Variants in ARAP1 observed in about 807,000 individuals in gnomAD.
ARAP1 encodes arf-GAP with Rho-GAP domain, ANK repeat and PH domain-containing protein 1.
In ARAP1, 76 loss-of-function variants were observed where a neutral mutation model predicts 172.2. The observed-to-expected ratio is 0.44, with a 90% confidence interval of 0.37 to 0.53. The LOEUF is 0.53. Among genes scored for constraint, ARAP1 ranks in the 20% least tolerant of loss-of-function variants. ARAP1 has a pLI of 0.00. For synonymous variants in ARAP1, 804 were observed against 803.3 expected, an observed-to-expected ratio of 1.00 and a Z score of -0.01; for missense variants, 1,686 against 1,977.5, an observed-to-expected ratio of 0.85 and a Z score of 2.80.
intron 4 of ARAP1, among the ~76,000 whole-genome samples, chr11:72,713,914 C>T (rs2135547861): frequency 6.6e-6 from 1 of 151,768 alleles, no homozygotes; most frequent in Admixed American, 6.6e-5. Context: ...GGGTAACTGG[C>T]AAAGCCGGCC....
rs1857072572 is a variant in ARAP1 at position 72,712,586 on chromosome 11, T to C, written c.748-18A>G. 6.2e-7 allele frequency: 1 copy of C among 1,607,680 alleles called. No individual in the cohort carries two copies. The highest frequency in any genetic ancestry group is 8.5e-7 in the Non-Finnish European group (1 of 1,179,090). ...GGCTCCTCCTGCCCCCGAGACCCAC[T>C]CAGCGTCATCCTTCCCTTCAAGCCA... On this transcript the variant is annotated intron_variant, in intron 5 of 34. Transcript: ENST00000393609.
chr11:72,744,923 C>T (rs1458918393), intron 1 of ARAP1, among the ~76,000 whole-genome samples: 2 of 152,166 alleles, frequency 1.3e-5, no homozygotes, highest in African/African-American at 2.4e-5. Flanking sequence ...TCTTTAGAGC[C>T]GAGAAAGAGA....
Position 72,711,001 on chromosome 11 carries a change from C to G in ARAP1, c.1213+20G>C, listed in dbSNP as rs781102296. The G allele has an allele frequency of 6.2e-7, 1 of 1,613,982 alleles. No individual in the cohort carries two copies. Among genetic ancestry groups the G allele is most frequent in the Non-Finnish European group, 8.5e-7 (1 of 1,179,894 alleles). On this transcript the variant is annotated intron_variant, in intron 9 of 34. Transcript: ENST00000393609. ...CTCTACCCTCTTCTACACACACACA[C>G]AACACCCCACACTCCCCACCATCAC...
Position 72,695,878 on chromosome 11 carries a change from G to A in ARAP1, c.3273-13C>T, listed in dbSNP as rs1442713539. The A allele has an allele frequency of 6.2e-7, 1 of 1,606,212 alleles. No individual in the cohort carries two copies. The highest frequency in any genetic ancestry group is 8.5e-7 in the Non-Finnish European group (1 of 1,176,076). ...GAAGCACTGAACACTGGAGAGGGGA[G>A]GAGGAGGGCTTTGAGTGAGGAGTCA... On this transcript the variant is annotated splice_polypyrimidine_tract_variant and intron_variant, in intron 23 of 34. Coordinates refer to ENST00000393609, the MANE Select transcript of ARAP1 (RefSeq NM_001040118.3). The surrounding 1 kb of genome is among the most constrained non-coding windows in gnomAD (Gnocchi z 4.4).
At position 72,692,790 on chromosome 11, in the gene ARAP1, T is replaced by C. The variant is rs370326221; in HGVS notation, c.3955-5A>G. 5.0e-6 allele frequency: 8 copies of C among 1,613,586 alleles called. No homozygotes were observed. The highest frequency in any genetic ancestry group is 6.8e-6 in the Non-Finnish European group (8 of 1,179,980). On this transcript the variant is annotated splice_polypyrimidine_tract_variant and splice_region_variant and intron_variant, in intron 29 of 34. Coordinates refer to ENST00000393609, the MANE Select transcript of ARAP1 (RefSeq NM_001040118.3). Reference sequence around the variant, plus strand: ...CCCGCTCCACGGCCTCTGGCTCTGTTTGATAGAGGATCAGGGTTATGGAAG... The same window carrying C: ...CCCGCTCCACGGCCTCTGGCTCTGTCTGATAGAGGATCAGGGTTATGGAAG...
rs537973343 is a variant in ARAP1 at position 72,710,227 on chromosome 11, A to C, written c.1416+158T>G. ...AGGGCAGTGCTCAGAGCCTGGGGGA[A>C]GTGGTCAGAACTTGGGGGAGCGAGG... On this transcript the variant is annotated intron_variant, in intron 10 of 34. Coordinates refer to ENST00000393609, the MANE Select transcript of ARAP1 (RefSeq NM_001040118.3). This position sits in a 1 kb window ranked among gnomAD's most constrained non-coding sequence, Gnocchi z 4.3. Among the ~76,000 whole-genome samples the C allele has an allele frequency of 8.6e-5, 13 of 151,830 alleles. No homozygotes were observed. The highest frequency in any genetic ancestry group is 1.6e-4 in the Non-Finnish European group (11 of 67,910).
chr11:72,743,228 A>G (rs1429476405), intron 1 of ARAP1, among the ~76,000 whole-genome samples: 1 of 152,232 alleles, frequency 6.6e-6, no homozygotes, highest in Non-Finnish European at 1.5e-5. Flanking sequence ...CGTCAAGAAA[A>G]TGCTCAATCG....
At chr11:72,703,434 A>C in intron 14 of ARAP1, 1 of 180,548 alleles carries the variant, frequency 5.5e-6, no homozygotes, top group Non-Finnish European at 1.1e-5. Flanking sequence ...TTTGTAGCTA[A>C]TTCCTCCCAC....
chr11:72,729,948 CAG>C, intron 2 of ARAP1, among the ~76,000 whole-genome samples: 1 of 150,324 alleles, frequency 6.7e-6, no homozygotes, highest in African/African-American at 2.4e-5. Context: ...AAAATCATTT[CAG>C]AGAGGCAAAA....
chr11:72,695,831 C>A lies in ARAP1; in HGVS notation c.3307G>T (p.Val1103Leu). Residue 1103 changes from valine to leucine, a missense_variant, in exon 24 of 35, where the codon GTG becomes TTG. Physicochemically the swap from Val to Leu is conservative, Grantham distance 32. Around this residue, in one of 5 missense-constraint regions of ARAP1, gnomAD observed 379 missense variants for 500.1 expected, o/e 0.76. Coordinates refer to ENST00000393609, the MANE Select transcript of ARAP1 (RefSeq NM_001040118.3). This position sits in a 1 kb window ranked among gnomAD's most constrained non-coding sequence, Gnocchi z 4.4. ...CCAAACACAATTGCCAGGTTGTGCA[C>A]GTTCATCTGGTTCGTGTCTGAGAAG... ...QCFSDTNQMN[V>L]HNLAIVFGPT... 6.2e-7 allele frequency: 1 copy of A among 1,613,848 alleles called. No homozygotes were observed. Among genetic ancestry groups the A allele is most frequent in the Non-Finnish European group, 8.5e-7 (1 of 1,179,874 alleles).
rs1314796675 is a variant in ARAP1 at position 72,693,274 on chromosome 11, T to C, written c.3954+51A>G. ...AGACCAAGGGGAATCTCTGAGCACA[T>C]TCAGGTGTACAGGTGCCCACCCTGG... On this transcript the variant is annotated intron_variant, in intron 29 of 34. Transcript: ENST00000393609. This position sits in a 1 kb window ranked among gnomAD's most constrained non-coding sequence, Gnocchi z 4.6. The C allele has an allele frequency of 1.9e-6, 3 of 1,592,926 alleles. No individual in the cohort carries two copies. Among genetic ancestry groups the C allele is most frequent in the Non-Finnish European group, 2.6e-6 (3 of 1,167,600 alleles).
intron 2 of ARAP1, among the ~76,000 whole-genome samples, chr11:72,730,238 C>T (rs1857822136): frequency 6.6e-6 from 1 of 152,118 alleles, no homozygotes; most frequent in Admixed American, 6.6e-5. Context: ...ATATAAATGG[C>T]TCTTAAATAT....
At chr11:72,746,627 G>T (rs914755420) in intron 1 of ARAP1, among the ~76,000 whole-genome samples, 9 of 152,126 alleles carry the variant, frequency 5.9e-5, no homozygotes, top group Non-Finnish European at 8.8e-5. Context: ...TGCTCAGTGT[G>T]AAGAGAAGGG....
rs149482842 is a variant in ARAP1, at chr11:72,705,522, G to A, written c.1809+283C>T. 239 of 378,970 alleles carry A rather than the reference G, an allele frequency of 6.3e-4. 3 individuals carry two copies. In the East Asian group the frequency reaches 9.6e-3, roughly 15 times the overall value. The allele number at this position is 378,970 out of a possible 1,614,324, so 23.5% of individuals were successfully genotyped here. A position where few individuals can be genotyped will look rare whatever the true frequency, so the allele number is the denominator to read the frequency against. On this transcript the variant is annotated intron_variant, in intron 13 of 34. Transcript: ENST00000393609. ...AAAGGGCGAAATAGTAATTATTTTC[G>A]GCTTTACAGAACACATACAGTCTCT...
At chr11:72,716,932 T>C (rs1201291231) in intron 3 of ARAP1, among the ~76,000 whole-genome samples, 1 of 152,192 alleles carries the variant, frequency 6.6e-6, no homozygotes, top group Non-Finnish European at 1.5e-5. Flanking sequence ...CTCTCACAGC[T>C]GGACCTATGA....
intron 3 of ARAP1, among the ~76,000 whole-genome samples, chr11:72,717,091 A>G (rs1857308088): frequency 6.6e-6 from 1 of 152,138 alleles, no homozygotes; most frequent in Non-Finnish European, 1.5e-5. Flanking sequence ...GGCAGGTGGA[A>G]GGGAAGGCAA....
intron 27 of ARAP1, among the ~76,000 whole-genome samples, chr11:72,694,157 G>A (rs912135669): frequency 7.0e-6 from 1 of 143,542 alleles, no homozygotes; most frequent in Non-Finnish European, 1.5e-5. Flanking sequence ...CAATCCACAC[G>A]TCGAATCTCT....
At position 72,693,062 on chromosome 11, in the gene ARAP1, C is replaced by T. The variant is rs540402825; in HGVS notation, c.3954+263G>A. Reference sequence around the variant, plus strand: ...TTCCTGTGGATGCAGTGATAAGGCACAGGCACAGTGAGACAGAGCATGGGC... The same window carrying T: ...TTCCTGTGGATGCAGTGATAAGGCATAGGCACAGTGAGACAGAGCATGGGC... On this transcript the variant is annotated intron_variant, in intron 29 of 34. Transcript: ENST00000393609. The surrounding 1 kb of genome is among the most constrained non-coding windows in gnomAD (Gnocchi z 4.6). 3.1e-6 allele frequency: 2 copies of T among 647,916 alleles called. No individual in the cohort carries two copies. The highest frequency in any genetic ancestry group is 2.7e-6 in the Non-Finnish European group (1 of 374,108). 40.1% of individuals were successfully genotyped at this position (647,916 alleles called of 1,614,324 possible).
chr11:72,692,273 C>A (rs1855969020), intron 30 of ARAP1, among the ~76,000 whole-genome samples: 1 of 152,112 alleles, frequency 6.6e-6, no homozygotes, highest in Non-Finnish European at 1.5e-5. Context: ...GTGGAAATAG[C>A]CAGCCAGGAA....
Sources: gnomAD v4.1 joint callset for allele counts (sites outside exome capture counted in the v4.1 genomes callset) on GRCh38, gnomAD v4.1.1 for gene constraint, gnomAD v4.1.1 regional missense constraint, Gnocchi (gnomAD v3.1) non-coding constraint, MANE v1.5 for transcripts, NCBI Gene and HGNC (gene_info 2026-07-23, HGNC 2026-07-21) for gene names.